ZMIZ1: variants seen among roughly 807,000 people sequenced by gnomAD.
ZMIZ1 encodes zinc finger MIZ domain-containing protein 1.
In ZMIZ1, 17 loss-of-function variants were observed where a neutral mutation model predicts 113.9. The ratio of observed to expected loss-of-function variants is 0.15; its 90% CI spans 0.10 to 0.22. The LOEUF (loss-of-function observed/expected upper bound fraction) is 0.22. Among genes scored for constraint, ZMIZ1 ranks in the 10% least tolerant of loss-of-function variants. The pLI is 1.00. For missense variants in ZMIZ1, 1,059 were observed against 1,477.8 expected (o/e 0.72, Z 4.65); for synonymous variants, 607 against 603.1 (o/e 1.01, Z -0.09).
intron 8 of ZMIZ1, among the ~76,000 whole-genome samples, chr10:79,282,924 G>A (rs957955105): frequency 1.3e-5 from 2 of 152,188 alleles, no homozygotes; most frequent in African/African-American, 4.8e-5. Flanking sequence ...CCAGTGCCTG[G>A]GCAAGTAGGG....
At chr10:79,270,092 G>A (rs1329242928) in intron 7 of ZMIZ1, among the ~76,000 whole-genome samples, 1 of 152,232 alleles carries the variant, frequency 6.6e-6, no homozygotes, top group Admixed American at 6.5e-5. Context: ...GGCAAATACA[G>A]GGCCTGTCAC....
intron 7 of ZMIZ1, among the ~76,000 whole-genome samples, chr10:79,221,388 C>T (rs2132733972): frequency 2.0e-5 from 3 of 152,366 alleles, no homozygotes; most frequent in Middle Eastern, 6.8e-3. Context: ...GCCCCCAGCT[C>T]TTTGTTCTGG....
At chr10:79,221,731 A>G (rs113994816) in intron 7 of ZMIZ1, among the ~76,000 whole-genome samples, 1 of 152,210 alleles carries the variant, frequency 6.6e-6, no homozygotes, top group Non-Finnish European at 1.5e-5. Context: ...AGAAAGCCAT[A>G]TGGCCTCAGC....
chr10:79,296,872 G>T lies in ZMIZ1; in HGVS notation c.1413+219G>T. The T allele has an allele frequency of 2.4e-6, 1 of 409,210 alleles. No homozygotes were observed. The highest frequency in any genetic ancestry group is 1.0e-4 in the South Asian group (1 of 9,888). The allele number at this position is 409,210 out of a possible 1,614,324, so 25.3% of individuals were successfully genotyped here. ...CCTATTCTCATTCGTCTCGGATGAT[G>T]GTTTTTTTTTCTCCTTTTCTTATTC... On this transcript the variant is annotated intron_variant, in intron 13 of 24. Coordinates refer to ENST00000334512, the MANE Select transcript of ZMIZ1 (RefSeq NM_020338.4). The surrounding 1 kb of genome is among the most constrained non-coding windows in gnomAD (Gnocchi z 4.1).
intron 7 of ZMIZ1, among the ~76,000 whole-genome samples, chr10:79,218,980 C>G (rs1848853055): frequency 6.6e-6 from 1 of 151,302 alleles, no homozygotes; most frequent in Non-Finnish European, 1.5e-5. Flanking sequence ...GTAATGGGAA[C>G]ATGGCTAAAT....
At chr10:79,206,966 A>G (rs370593064) in intron 5 of ZMIZ1, among the ~76,000 whole-genome samples, 56 of 152,350 alleles carry the variant, frequency 3.7e-4, no homozygotes, top group African/African-American at 1.3e-3. Context: ...ACGGAACCTT[A>G]AGCGAAAGAA....
chr10:79,191,569 G>A (rs1461464656), intron 4 of ZMIZ1, among the ~76,000 whole-genome samples: 1 of 152,190 alleles, frequency 6.6e-6, no homozygotes, highest in Non-Finnish European at 1.5e-5. Flanking sequence ...TGTGGCCTGG[G>A]CCCAGCACTG....
chr10:79,279,486 G>A (rs939905779), intron 8 of ZMIZ1, among the ~76,000 whole-genome samples: 9 of 151,758 alleles, frequency 5.9e-5, no homozygotes, highest in Non-Finnish European at 8.8e-5. Flanking sequence ...CAGACTGGGC[G>A]GCCGGGCAGA....
intron 7 of ZMIZ1, among the ~76,000 whole-genome samples, chr10:79,256,631 A>G (rs919640234): frequency 6.6e-6 from 1 of 152,254 alleles, no homozygotes; most frequent in African/African-American, 2.4e-5. Flanking sequence ...ATGCCCTGCC[A>G]GCAGGACCCC....
rs748669899 is a variant in ZMIZ1 at position 79,292,151 on chromosome 10, C to T, written c.759-7C>T. 1.2e-6 allele frequency: 2 copies of T among 1,604,688 alleles called. No homozygotes were observed. The highest frequency in any genetic ancestry group is 1.7e-6 in the Non-Finnish European group (2 of 1,174,388). ...TACCTAACTCTTCCACCCTTCTCCC[C>T]CTGCAGTTACCCTGGGGGTCCTAAC... On this transcript the variant is annotated splice_region_variant and splice_polypyrimidine_tract_variant and intron_variant, in intron 10 of 24. Coordinates refer to ENST00000334512, the MANE Select transcript of ZMIZ1 (RefSeq NM_020338.4).
intron 1 of ZMIZ1, among the ~76,000 whole-genome samples, chr10:79,101,686 C>G (rs951082591): frequency 6.6e-6 from 1 of 152,140 alleles, no homozygotes; most frequent in Non-Finnish European, 1.5e-5. Flanking sequence ...CTGGGTGAAC[C>G]AGGGCAGGGA....
At chr10:79,186,130 A>G (rs777643342) in intron 4 of ZMIZ1, among the ~76,000 whole-genome samples, 49 of 152,216 alleles carry the variant, frequency 3.2e-4, no homozygotes, top group Non-Finnish European at 8.8e-5. Flanking sequence ...AATACCAGAC[A>G]CACACCCACC....
Position 79,315,532 on chromosome 10 carries a change from C to A in ZMIZ1, c.*2783C>A. 1 of 153,006 alleles carries A rather than the reference C, an allele frequency of 6.5e-6. No homozygotes were observed. The allele number at this position is 153,006 out of a possible 1,614,324, so 9.5% of individuals were successfully genotyped here. A position where few individuals can be genotyped will look rare whatever the true frequency, so the allele number is the denominator to read the frequency against. On this transcript the variant is annotated 3_prime_UTR_variant, in exon 25 of 25. Coordinates refer to ENST00000334512, the MANE Select transcript of ZMIZ1 (RefSeq NM_020338.4). Reference sequence around the variant, plus strand: ...GCCACTCCGCAAGATGGACAGGGAGCCAGCAGGCAGGCGGGAAGGGCCAAG... The same window carrying A: ...GCCACTCCGCAAGATGGACAGGGAGACAGCAGGCAGGCGGGAAGGGCCAAG...
intron 7 of ZMIZ1, among the ~76,000 whole-genome samples, chr10:79,219,884 G>C (rs983630262): frequency 6.6e-6 from 1 of 151,992 alleles, no homozygotes; most frequent in Non-Finnish European, 1.5e-5. Context: ...TACCTTTCAG[G>C]GCCACCCATC....
chr10:79,114,777 C>G (rs578245439), intron 1 of ZMIZ1, among the ~76,000 whole-genome samples: 43 of 152,060 alleles, frequency 2.8e-4, no homozygotes, highest in Non-Finnish European at 5.6e-4. Flanking sequence ...CCCCTGACAT[C>G]TTTGCCCCCT....
intron 4 of ZMIZ1, among the ~76,000 whole-genome samples, chr10:79,176,152 G>A (rs770888480): frequency 7.2e-5 from 11 of 152,122 alleles, no homozygotes; most frequent in South Asian, 4.1e-4. Flanking sequence ...GAGGCCCAAC[G>A]GGCCAGGATG....
At position 79,293,665 on chromosome 10, in the gene ZMIZ1, A is replaced by C. The variant is rs1853669994; in HGVS notation, c.1230+12A>C. 1 of 1,613,018 alleles carries C rather than the reference A, an allele frequency of 6.2e-7. No homozygotes were observed. Among genetic ancestry groups the C allele is most frequent in the African/African-American group, 1.3e-5 (1 of 74,954 alleles). ...CATACCCTGGAGAGGTGAGTGCAGCAGTGGGAGCCTGGGAGGTGGGAACTG... is the reference window on the plus strand; with the variant it reads ...CATACCCTGGAGAGGTGAGTGCAGCCGTGGGAGCCTGGGAGGTGGGAACTG... On this transcript the variant is annotated intron_variant, in intron 12 of 24. Coordinates refer to ENST00000334512, the MANE Select transcript of ZMIZ1 (RefSeq NM_020338.4).
chr10:79,129,783 C>A (rs1354334802), intron 2 of ZMIZ1, among the ~76,000 whole-genome samples: 1 of 152,248 alleles, frequency 6.6e-6, no homozygotes, highest in Non-Finnish European at 1.5e-5. Context: ...CTGCCCCCAG[C>A]CCTGGCCTGA....
chr10:79,186,053 T>C (rs1589393422), intron 4 of ZMIZ1, among the ~76,000 whole-genome samples: 1 of 152,260 alleles, frequency 6.6e-6, no homozygotes, highest in East Asian at 1.9e-4. Context: ...AGTGTTCACT[T>C]TCAGGTCCCT....
Sources: allele counts gnomAD v4.1 joint callset (sites outside exome capture counted in the v4.1 genomes callset), GRCh38; gene constraint gnomAD v4.1.1; non-coding constraint Gnocchi (gnomAD v3.1); transcripts MANE v1.5; gene names NCBI Gene and HGNC (gene_info 2026-07-23, HGNC 2026-07-21).